The following NOC3L variants were observed in gnomAD, a reference collection of about 807,000 sequenced individuals.
NOC3L encodes the protein nucleolar complex protein 3 homolog.
In NOC3L, 85 loss-of-function variants were observed where a neutral mutation model predicts 102.5. The ratio of observed to expected loss-of-function variants is 0.83; its 90% confidence interval spans 0.70 to 0.99. The LOEUF is 0.99. Ranked by LOEUF, NOC3L falls within the 50% of genes least tolerant of loss-of-function variation. The pLI is 0.00. For missense variants in NOC3L, 878 were observed against 914.9 expected (o/e 0.96, Z 0.52); for synonymous variants, 303 against 309.4 (o/e 0.98, Z 0.22).
In NOC3L at chr10:94,349,418, C is replaced by A. The variant is rs781306365; in HGVS notation, c.1129-40G>T. 9.1e-6 allele frequency: 14 copies of A among 1,543,250 alleles called. No individual in the cohort carries two copies. In the African/African-American group the frequency reaches 2.0e-4, roughly 22 times the overall value. Reference sequence around the variant, plus strand: ...GTCATACTTAACCAGTGTTTCTCAACCTTAGCACTACTGACGTTTTGGGTA... The same window carrying A: ...GTCATACTTAACCAGTGTTTCTCAAACTTAGCACTACTGACGTTTTGGGTA... On this transcript the variant is annotated intron_variant, in intron 9 of 20. Transcript: ENST00000371361.
intron 6 of NOC3L, 122 bp downstream of exon 6, chr10:94,354,841 C>T: frequency 2.2e-6 from 2 of 912,500 alleles, no homozygotes; most frequent in Non-Finnish European, 1.6e-6. Context: ...TCTAACCCAG[C>T]TACTATGTTT....
chr10:94,352,893 T>TATG lies in NOC3L; in HGVS notation c.858+2_858+3insCAT, dbSNP rs1465246345. 4 of 1,609,788 alleles carry TATG rather than the reference T, an allele frequency of 2.5e-6. No homozygotes were observed. The Admixed American group carries it at 6.7e-5, about 27-fold the overall frequency. On this transcript the variant is annotated splice_region_variant and intron_variant, in intron 7 of 20. Coordinates refer to ENST00000371361, the MANE Select transcript of NOC3L (RefSeq NM_022451.11). ...GTAATTATATCTAGCAATCTAGCAT[T>TATG]ACCTTAGTAGATTTTTCTGCTTCTG...
In NOC3L at chr10:94,350,161, G is replaced by A; in HGVS notation, c.1080C>T (p.Asn360=). ...LVALPHFNFH[N]NIIVLIVPLM... is the part of the protein sequence containing the mutation. ...GAGGGACAATCAATACGATGATGTTGTTGTGAAAGTTAAAATGAGGTAGTG... is the reference window on the plus strand; with the variant it reads ...GAGGGACAATCAATACGATGATGTTATTGTGAAAGTTAAAATGAGGTAGTG... Residue 360 remains asparagine, a synonymous_variant, in exon 9 of 21, where the codon AAC becomes AAT. Transcript: ENST00000371361. 1 of 1,614,154 alleles carries A rather than the reference G, an allele frequency of 6.2e-7. No homozygotes were observed. The highest frequency in any genetic ancestry group is 8.5e-7 in the Non-Finnish European group (1 of 1,180,016).
At chr10:94,338,566 C>A in intron 18 of NOC3L, 42 bp downstream of exon 18, 1 of 1,446,618 alleles carries the variant, frequency 6.9e-7, no homozygotes, top group South Asian at 1.7e-5. Context: ...AACAATTATT[C>A]ACAAACATCC....
At chr10:94,344,674 C>T (rs1463441449) in intron 12 of NOC3L, among the ~76,000 whole-genome samples, 159 bp from the exon 13 acceptor site, 1 of 152,164 alleles carries the variant, frequency 6.6e-6, no homozygotes, top group African/African-American at 2.4e-5. Flanking sequence ...AAGATATACA[C>T]CCTGTGACTG....
At chr10:94,353,997 G>A (rs1164883644) in intron 6 of NOC3L, among the ~76,000 whole-genome samples, 1 of 152,060 alleles carries the variant, frequency 6.6e-6, no homozygotes, top group Non-Finnish European at 1.5e-5. Context: ...GTTAAAATCT[G>A]GAACAAATCA....
the NOC3L span, among the ~76,000 whole-genome samples, chr10:94,327,629 C>G: frequency 6.6e-6 from 1 of 152,154 alleles, no homozygotes; most frequent in Non-Finnish European, 1.5e-5. Context: ...TTTCAATAAT[C>G]TACAGATTTT....
At chr10:94,339,109 A>G (rs1329454504) in intron 17 of NOC3L, among the ~76,000 whole-genome samples, 1 of 152,212 alleles carries the variant, frequency 6.6e-6, no homozygotes, top group East Asian at 1.9e-4. Flanking sequence ...AGAGAAATAG[A>G]AAGAAGCAGA....
Position 94,334,622 on chromosome 10 carries a change from A to G in NOC3L, c.2274+12T>C, listed in dbSNP as rs757140631. On this transcript the variant is annotated intron_variant, in intron 20 of 20. Coordinates refer to ENST00000371361, the MANE Select transcript of NOC3L (RefSeq NM_022451.11). Reference sequence around the variant, plus strand: ...TATTTCTTCCTTTAAAAAAATGAAAAATATCCCATACCTTTATTTTGGGGT... The same window carrying G: ...TATTTCTTCCTTTAAAAAAATGAAAGATATCCCATACCTTTATTTTGGGGT... 180 of 1,597,846 alleles carry G rather than the reference A, an allele frequency of 1.1e-4. No homozygotes were observed. The highest frequency in any genetic ancestry group is 5.1e-5 in the Admixed American group (3 of 59,094).
intron 13 of NOC3L, among the ~76,000 whole-genome samples, chr10:94,344,144 G>A (rs1349820470): frequency 3.9e-5 from 6 of 152,212 alleles, no homozygotes; most frequent in Non-Finnish European, 8.8e-5. Context: ...AGTGCAGAAA[G>A]AGTCAAGAAC....
rs191473734 is a variant in NOC3L, at chr10:94,343,233, A to T, written c.1571+1182T>A. 1.8e-3 allele frequency among the ~76,000 whole-genome samples: 278 copies of T among 152,314 alleles called. 1 individual carries two copies. The highest frequency in any genetic ancestry group is 3.5e-3 in the Admixed American group (53 of 15,300). On this transcript the variant is annotated intron_variant, in intron 13 of 20. Coordinates refer to ENST00000371361, the MANE Select transcript of NOC3L (RefSeq NM_022451.11). ...TTATTTTTTAAACTTTTTTAAATAAAGGAATTAGTTATTAAAAAACAAATA... is the reference window on the plus strand; with the variant it reads ...TTATTTTTTAAACTTTTTTAAATAATGGAATTAGTTATTAAAAAACAAATA...
the NOC3L span, among the ~76,000 whole-genome samples, chr10:94,321,371 C>T: frequency 6.6e-6 from 1 of 152,258 alleles, no homozygotes; most frequent in African/African-American, 2.4e-5. Context: ...CAGTGGCTCA[C>T]ACCTGTAACC....
At position 94,336,387 on chromosome 10, in the gene NOC3L, A is replaced by T. The variant is rs375920565; in HGVS notation, c.2189+1390T>A. Among the ~76,000 whole-genome samples, 7 of 151,292 alleles carry T rather than the reference A, an allele frequency of 4.6e-5. No homozygotes were observed. In the East Asian group the frequency reaches 5.9e-4, roughly 13 times the overall value. ...TTTTTCAGACGGATTCGCTCTTGTC[A>T]CCCAGGCTGGAGTGCAATGGCGAGA... is the stretch of plus-strand genomic sequence containing the variant. On this transcript the variant is annotated intron_variant, in intron 19 of 20. Coordinates refer to ENST00000371361, the MANE Select transcript of NOC3L (RefSeq NM_022451.11).
chr10:94,358,070 A>G lies in NOC3L; in HGVS notation c.350+13T>C, dbSNP rs2054508674. Reference sequence around the variant, plus strand: ...AATGGATATGAATGATTATAACCCAAATGAAGTATTACCTAGAAGAAAGAT... The same window carrying G: ...AATGGATATGAATGATTATAACCCAGATGAAGTATTACCTAGAAGAAAGAT... On this transcript the variant is annotated intron_variant, in intron 3 of 20. Coordinates refer to ENST00000371361, the MANE Select transcript of NOC3L (RefSeq NM_022451.11). 1.3e-6 allele frequency: 2 copies of G among 1,525,840 alleles called. No individual in the cohort carries two copies. Among genetic ancestry groups the G allele is most frequent in the African/African-American group, 2.7e-5 (2 of 73,126 alleles). 94.5% of individuals were successfully genotyped at this position (1,525,840 alleles called of 1,614,324 possible). A position where few individuals can be genotyped will look rare whatever the true frequency, so the allele number is the denominator to read the frequency against.
chr10:94,319,864 C>CCTTTTTTTTTTTTTTTT, the NOC3L span, among the ~76,000 whole-genome samples: 1 of 92,914 alleles, frequency 1.1e-5, no homozygotes, highest in African/African-American at 3.7e-5. Flanking sequence ...CAAAGGTGCT[C>CCTTTTTTTTTTTTTTTT]TTTTTTTTTT....
chr10:94,324,803 A>G, the NOC3L span: 3 of 1,331,528 alleles, frequency 2.3e-6, no homozygotes, highest in African/African-American at 2.9e-5. Flanking sequence ...CTCTAGAGAG[A>G]AGAGGAAAGC....
At chr10:94,317,817 T>G in the NOC3L span, among the ~76,000 whole-genome samples, 1 of 152,188 alleles carries the variant, frequency 6.6e-6, no homozygotes, top group South Asian at 2.1e-4. Context: ...TAGACAGTCA[T>G]GCGTCATGAC....
chr10:94,317,765 C>T, the NOC3L span, among the ~76,000 whole-genome samples: 1 of 152,034 alleles, frequency 6.6e-6, no homozygotes, highest in Non-Finnish European at 1.5e-5. Flanking sequence ...CTGAGAAAAC[C>T]CTACTAACTT....
intron 2 of NOC3L, 119 bp from the exon 3 acceptor site, chr10:94,358,334 T>G (rs900063282): frequency 1.5e-6 from 1 of 675,488 alleles, no homozygotes; most frequent in East Asian, 2.5e-5. Context: ...ATCCTCCCAC[T>G]CCAGCCTCCC....
Sources: gnomAD v4.1 joint callset for allele counts (sites outside exome capture counted in the v4.1 genomes callset) on GRCh38, gnomAD v4.1.1 for gene constraint, MANE v1.5 for transcripts, NCBI Gene and HGNC (gene_info 2026-07-23, HGNC 2026-07-21) for gene names.